The following CELF2 variants were observed in gnomAD, a reference collection of about 807,000 sequenced individuals.
CELF2 encodes the protein CUG triplet repeat RNA-binding protein 2.
CELF2 carries 8 observed loss-of-function variants against 62.6 expected under a neutral mutation model. The observed-to-expected ratio is 0.13, with a 90% confidence interval of 0.07 to 0.23. The LOEUF is 0.23. Ranked by LOEUF, CELF2 falls within the 10% of genes least tolerant of loss-of-function variation. The pLI, the probability that CELF2 is intolerant of heterozygous loss-of-function variation, is 1.00. For synonymous variants in CELF2, 258 were observed against 250.0 expected (o/e 1.03, Z -0.30); for missense variants, 333 against 671.0 (o/e 0.50, Z 5.56).
At chr10:10,696,017 A>T in the CELF2 span, among the ~76,000 whole-genome samples, 1 of 151,942 alleles carries the variant, frequency 6.6e-6, no homozygotes, top group African/African-American at 2.4e-5. Flanking sequence ...CGTCAAAGTC[A>T]TTCTCCATCC....
intron 2 of CELF2, among the ~76,000 whole-genome samples, chr10:10,970,259 G>A (rs539822075): frequency 4.6e-5 from 7 of 152,022 alleles, no homozygotes; most frequent in African/African-American, 9.7e-5. Flanking sequence ...GAGATACGGG[G>A]TTTCACCATG....
At chr10:10,578,510 C>A in the CELF2 span, among the ~76,000 whole-genome samples, 1 of 152,086 alleles carries the variant, frequency 6.6e-6, no homozygotes, top group African/African-American at 2.4e-5. Flanking sequence ...ACATGTAAGT[C>A]TTTAATCCAT....
chr10:11,290,342 G>A lies in CELF2; in HGVS notation c.976+1790G>A, dbSNP rs570274604. ...TGAGTTCCGTGACGGAAGCCATGGC[G>A]CGTGTTGAGGCAGAGGACAGAGCCA... is the stretch of plus-strand genomic sequence containing the variant. On this transcript the variant is annotated intron_variant, in intron 9 of 12. Coordinates refer to ENST00000633077, the MANE Select transcript of CELF2 (RefSeq NM_001326342.2). This position sits in a 1 kb window ranked among gnomAD's most constrained non-coding sequence, Gnocchi z 4.3. Among the ~76,000 whole-genome samples, 4 of 152,138 alleles carry A rather than the reference G, an allele frequency of 2.6e-5. No individual in the cohort carries two copies. Among genetic ancestry groups the A allele is most frequent in the African/African-American group, 7.2e-5 (3 of 41,410 alleles).
chr10:11,248,265 C>G (rs183116424), intron 3 of CELF2, among the ~76,000 whole-genome samples: 21 of 152,286 alleles, frequency 1.4e-4, no homozygotes, highest in Admixed American at 1.4e-3. Flanking sequence ...GTGCTTGGAG[C>G]ATGCTCTGCG....
the CELF2 span, among the ~76,000 whole-genome samples, chr10:10,553,903 C>T: frequency 6.6e-6 from 1 of 152,164 alleles, no homozygotes; most frequent in African/African-American, 2.4e-5. Flanking sequence ...GCTGTGGTCG[C>T]ACCCAATGCC....
chr10:10,901,585 G>A (rs9424114), intron 1 of CELF2, among the ~76,000 whole-genome samples: 21,147 of 152,170 alleles, frequency 0.14, 1,559 homozygotes, highest in Non-Finnish European at 0.17. Flanking sequence ...GGAGAAAAAT[G>A]TCTGTGACTG....
chr10:11,111,143 T>C (rs1414207579), intron 1 of CELF2, among the ~76,000 whole-genome samples: 3 of 152,226 alleles, frequency 2.0e-5, no homozygotes, highest in African/African-American at 7.2e-5. Context: ...CATTTATTAA[T>C]GGAGTGCTTT....
At chr10:11,147,495 C>A (rs1482466411) in intron 1 of CELF2, among the ~76,000 whole-genome samples, 1 of 152,002 alleles carries the variant, frequency 6.6e-6, no homozygotes, top group Non-Finnish European at 1.5e-5. Flanking sequence ...TATCGTGAGC[C>A]CCAGGAGCTT....
chr10:11,280,797 G>C lies in CELF2; in HGVS notation c.841+5677G>C, dbSNP rs759759024. 1.3e-5 allele frequency among the ~76,000 whole-genome samples: 2 copies of C among 152,138 alleles called. No individual in the cohort carries two copies. Among genetic ancestry groups the C allele is most frequent in the Non-Finnish European group, 2.9e-5 (2 of 68,024 alleles). On this transcript the variant is annotated intron_variant, in intron 8 of 12. Coordinates refer to ENST00000633077, the MANE Select transcript of CELF2 (RefSeq NM_001326342.2). The surrounding 1 kb of genome is among the most constrained non-coding windows in gnomAD (Gnocchi z 7.6). ...CTCACTGCCCTCCAGCCTCAGTCCT[G>C]GTTGGAGTGAGATGCCCAAGAGGCA...
At chr10:10,913,885 A>AGGAAGGAAGGAAGGAC in intron 1 of CELF2, among the ~76,000 whole-genome samples, 1 of 27,946 alleles carries the variant, frequency 3.6e-5, no homozygotes, top group South Asian at 2.1e-3. Flanking sequence ...GAAGGAAGGA[A>AGGAAGGAAGGAAGGAC]GAAGGAAGGG....
rs2074139226 is a variant in CELF2, at chr10:11,242,213, TA to T, written c.355-6935del. Among the ~76,000 whole-genome samples the T allele has an allele frequency of 6.6e-6, 1 of 152,200 alleles. No individual in the cohort carries two copies. The highest frequency in any genetic ancestry group is 2.4e-5 in the African/African-American group (1 of 41,436). ...AATGAGATGCGTAACAGTGACTCTG[TA>T]AAAACCCATTTCAGGTTAAAAATGG... On this transcript the variant is annotated intron_variant, in intron 3 of 12. Coordinates refer to ENST00000633077, the MANE Select transcript of CELF2 (RefSeq NM_001326342.2). This position sits in a 1 kb window ranked among gnomAD's most constrained non-coding sequence, Gnocchi z 4.8.
chr10:10,973,158 C>T lies in CELF2; in HGVS notation c.89+53159C>T, dbSNP rs556432082. 5.3e-5 allele frequency among the ~76,000 whole-genome samples: 8 copies of T among 151,924 alleles called. No individual in the cohort carries two copies. In the South Asian group the frequency reaches 8.4e-4, roughly 16 times the overall value. On this transcript the variant is annotated intron_variant, in intron 2 of 13. Coordinates refer to the CELF2 transcript ENST00000636488. ...ATAAAAAATTAGCCAGTCTTGGTGG[C>T]GTGCACCTGCAGTCTGGGAGGCTGA... is the stretch of plus-strand genomic sequence containing the variant.
the CELF2 span, among the ~76,000 whole-genome samples, chr10:10,503,265 T>C: frequency 2.0e-4 from 30 of 152,108 alleles, no homozygotes; most frequent in Middle Eastern, 3.4e-3. Context: ...TGGTGTTGAG[T>C]TCTTGTGTAT....
At chr10:10,739,003 T>C in the CELF2 span, among the ~76,000 whole-genome samples, 1 of 152,176 alleles carries the variant, frequency 6.6e-6, no homozygotes, top group Non-Finnish European at 1.5e-5. Context: ...CTACCAACTT[T>C]TCTGTAAATC....
In CELF2 at chr10:10,947,125, G is replaced by A. The variant is rs1346580357; in HGVS notation, c.89+27126G>A. ...TCTGGAAGGCTTTGCTGTCCTTGCT[G>A]TGTGTAAGATCGGAGAAGGCAAGGA... On this transcript the variant is annotated intron_variant, in intron 2 of 13. Transcript: ENST00000636488. The surrounding 1 kb of genome is among the most constrained non-coding windows in gnomAD (Gnocchi z 4.1). 3 of 152,266 alleles carry A rather than the reference G, an allele frequency of 2.0e-5. No homozygotes were observed. The East Asian group carries it at 5.8e-4, about 29-fold the overall frequency. The allele number at this position is 152,266 out of a possible 1,614,324, so 9.4% of individuals were successfully genotyped here.
At chr10:10,488,384 T>G in the CELF2 span, among the ~76,000 whole-genome samples, 3 of 152,166 alleles carry the variant, frequency 2.0e-5, no homozygotes, top group African/African-American at 4.8e-5. Context: ...TTTCCTCATC[T>G]GCAACAAAGA....
the CELF2 span, among the ~76,000 whole-genome samples, chr10:10,578,078 T>G: frequency 6.6e-6 from 1 of 152,236 alleles, no homozygotes; most frequent in African/African-American, 2.4e-5. Context: ...GGTATCTCAT[T>G]GTGGTTTTGA....
chr10:10,946,417 C>A (rs2047689195), intron 2 of CELF2: 1 of 152,542 alleles, frequency 6.6e-6, no homozygotes, highest in African/African-American at 2.4e-5. Flanking sequence ...ATTTAAGTAG[C>A]CTTTGGGGAA....
chr10:10,869,115 G>A (rs183185198), intron 1 of CELF2, among the ~76,000 whole-genome samples: 2 of 152,186 alleles, frequency 1.3e-5, no homozygotes, highest in African/African-American at 4.8e-5. Context: ...GTAACATGAT[G>A]TAATAAACTG....
Sources: allele counts gnomAD v4.1 joint callset (sites outside exome capture counted in the v4.1 genomes callset), GRCh38; gene constraint gnomAD v4.1.1; non-coding constraint Gnocchi (gnomAD v3.1); transcripts MANE v1.5; gene names NCBI Gene and HGNC (gene_info 2026-07-23, HGNC 2026-07-21).